KCND2: variants seen among roughly 807,000 people sequenced by gnomAD.
KCND2 encodes the protein potassium voltage-gated channel subfamily D member 2.
A neutral mutation model predicts 54.4 loss-of-function variants in KCND2; 16 were observed. That is an observed-to-expected ratio of 0.29 (90% CI 0.20 to 0.45). The LOEUF (loss-of-function observed/expected upper bound fraction) is 0.45, where lower values mean the gene tolerates loss of function less well. KCND2 is among the 20% of genes least tolerant of loss of function. The pLI, the probability that KCND2 is intolerant of heterozygous loss-of-function variation, is 1.00. For synonymous variants in KCND2, 317 were observed against 310.7 expected (o/e 1.02, Z -0.21); for missense variants, 486 against 824.2 (o/e 0.59, Z 5.02).
chr7:120,636,221 A>C (rs1793303147), intron 1 of KCND2, among the ~76,000 whole-genome samples: 1 of 152,094 alleles, frequency 6.6e-6, no homozygotes, highest in Admixed American at 6.6e-5. Flanking sequence ...TGATGACCTA[A>C]AAAAACTCAG....
At chr7:120,382,506 T>G (rs2116030057) in intron 1 of KCND2, among the ~76,000 whole-genome samples, 1 of 152,012 alleles carries the variant, frequency 6.6e-6, no homozygotes, top group South Asian at 2.1e-4. Flanking sequence ...TTGAAAAATC[T>G]TACTGGCACA....
intron 1 of KCND2, among the ~76,000 whole-genome samples, chr7:120,580,948 C>A (rs1268737891): frequency 1.3e-5 from 2 of 152,118 alleles, no homozygotes; most frequent in African/African-American, 2.4e-5. Flanking sequence ...GAAAACTGGA[C>A]TAAATTGTTT....
At chr7:120,485,625 G>A (rs1163997325) in intron 1 of KCND2, among the ~76,000 whole-genome samples, 3 of 152,124 alleles carry the variant, frequency 2.0e-5, no homozygotes, top group Non-Finnish European at 4.4e-5. Flanking sequence ...GACAGTAGAG[G>A]ATGCTTTTTA....
chr7:120,426,567 T>C (rs1801708985), intron 1 of KCND2, among the ~76,000 whole-genome samples: 1 of 151,186 alleles, frequency 6.6e-6, no homozygotes, highest in Non-Finnish European at 1.5e-5. Context: ...CCGATGTACG[T>C]TTTTTGTGGG....
intron 1 of KCND2, among the ~76,000 whole-genome samples, chr7:120,703,444 G>C (rs564810848): frequency 6.6e-6 from 1 of 152,222 alleles, no homozygotes; most frequent in Admixed American, 6.5e-5. Flanking sequence ...GATATTGAAC[G>C]GTATTTTTCA....
intron 1 of KCND2, among the ~76,000 whole-genome samples, chr7:120,450,087 T>C (rs1248524401): frequency 6.6e-6 from 1 of 152,210 alleles, no homozygotes; most frequent in Non-Finnish European, 1.5e-5. Flanking sequence ...ACTCATTCTC[T>C]ACCTAAGTAC....
intron 1 of KCND2, among the ~76,000 whole-genome samples, chr7:120,398,011 A>G (rs796342944): frequency 0.14 from 15,640 of 109,550 alleles, 1,095 homozygotes; most frequent in Admixed American, 0.18. Context: ...ATATATATAT[A>G]TATATATATA....
At chr7:120,639,989 TCATACCACTTCTGA>T (rs1793351500) in intron 1 of KCND2, among the ~76,000 whole-genome samples, 1 of 152,136 alleles carries the variant, frequency 6.6e-6, no homozygotes, top group Admixed American at 6.6e-5. Flanking sequence ...CACATATGCA[TCATACCACTTCTGA>T]CACATCCATT....
chr7:120,537,415 G>A (rs1791926028), intron 1 of KCND2, among the ~76,000 whole-genome samples: 3 of 152,136 alleles, frequency 2.0e-5, no homozygotes, highest in Admixed American at 6.6e-5. Flanking sequence ...AAGGCCCTAG[G>A]ATTTTCAGAA....
chr7:120,313,248 T>C (rs1435587608), intron 1 of KCND2, among the ~76,000 whole-genome samples: 1 of 152,224 alleles, frequency 6.6e-6, no homozygotes, highest in Admixed American at 6.5e-5. Context: ...TTGCTAATAC[T>C]GACTGGGAAA....
At chr7:120,543,816 C>A (rs575014410) in intron 1 of KCND2, among the ~76,000 whole-genome samples, 4 of 152,084 alleles carry the variant, frequency 2.6e-5, no homozygotes, top group African/African-American at 9.6e-5. Flanking sequence ...TTGTTTTCAG[C>A]CAATCTGTCT....
intron 1 of KCND2, among the ~76,000 whole-genome samples, chr7:120,487,868 TA>T (rs924533749): frequency 1.3e-4 from 20 of 151,980 alleles, no homozygotes; most frequent in African/African-American, 4.6e-4. Flanking sequence ...ACATAACGAG[TA>T]AAAAACCAAA....
chr7:120,360,012 C>T (rs541909868), intron 1 of KCND2, among the ~76,000 whole-genome samples: 8 of 152,052 alleles, frequency 5.3e-5, no homozygotes, highest in Non-Finnish European at 8.8e-5. Context: ...TTATAAATTA[C>T]TCAATCTCAG....
At chr7:120,562,428 CA>C (rs1207913821) in intron 1 of KCND2, among the ~76,000 whole-genome samples, 2 of 152,014 alleles carry the variant, frequency 1.3e-5, no homozygotes, top group African/African-American at 2.4e-5. Context: ...GTTATTCCAG[CA>C]AAAGAGTAAA....
intron 1 of KCND2, among the ~76,000 whole-genome samples, chr7:120,376,515 A>G (rs181860152): frequency 6.7e-6 from 1 of 150,012 alleles, no homozygotes; most frequent in Admixed American, 6.6e-5. Context: ...CAAAATAGAA[A>G]TATTAAATAA....
In KCND2 at chr7:120,322,206, G is replaced by A. The variant is rs17142637; in HGVS notation, c.1115+46459G>A. Among the ~76,000 whole-genome samples, 786 of 152,002 alleles carry A rather than the reference G, an allele frequency of 5.2e-3. 6 individuals carry two copies. Among genetic ancestry groups the A allele is most frequent in the African/African-American group, 0.018 (732 of 41,472 alleles). ...AAAAAGCATAATTAAAATCAATGGA[G>A]GAAATAAGATGTCCTAGTTCATAGC... is the stretch of plus-strand genomic sequence containing the variant. On this transcript the variant is annotated intron_variant, in intron 1 of 5. Transcript: ENST00000331113.
intron 1 of KCND2, among the ~76,000 whole-genome samples, chr7:120,348,740 T>G (rs1800360511): frequency 6.6e-6 from 1 of 152,244 alleles, no homozygotes; most frequent in Non-Finnish European, 1.5e-5. Flanking sequence ...CAGCCATTAT[T>G]GAATATGTTT....
chr7:120,668,550 A>T (rs1791955203), intron 1 of KCND2, among the ~76,000 whole-genome samples: 1 of 152,074 alleles, frequency 6.6e-6, no homozygotes, highest in South Asian at 2.1e-4. Flanking sequence ...TAAAACATCA[A>T]GGTGGTTGGT....
chr7:120,514,140 TATAAGTTCCTGGAAAAGATGTGGC>T (rs1803161797), intron 1 of KCND2, among the ~76,000 whole-genome samples: 1 of 152,098 alleles, frequency 6.6e-6, no homozygotes. Flanking sequence ...GCTTACAAGG[TATAAGTTCCTGGAAAAGATGTGGC>T]AAATCTGAAT....
Sources: allele counts gnomAD v4.1 joint callset (sites outside exome capture counted in the v4.1 genomes callset), GRCh38; gene constraint gnomAD v4.1.1; transcripts MANE v1.5; gene names NCBI Gene and HGNC (gene_info 2026-07-23, HGNC 2026-07-21).